The following UGGT1 variants were observed in gnomAD, a reference collection of about 807,000 sequenced individuals.
The protein encoded by UGGT1 is UDP-glucose:glycoprotein glucosyltransferase 1.
In UGGT1, 107 loss-of-function variants were observed where a neutral mutation model predicts 203.9. The observed-to-expected ratio is 0.52, with a 90% CI of 0.45 to 0.62. The LOEUF (loss-of-function observed/expected upper bound fraction) is 0.62. Ranked by LOEUF, UGGT1 falls within the 20% of genes least tolerant of loss-of-function variation. The pLI, the probability that UGGT1 is intolerant of heterozygous loss-of-function variation, is 0.00. For synonymous variants in UGGT1, 628 were observed against 653.5 expected (o/e 0.96, Z 0.59); for missense variants, 1,673 against 1,867.2 (o/e 0.90, Z 1.92).
rs2104805847 is a variant in UGGT1 at position 128,177,908 on chromosome 2, A to G, written c.3701A>G (p.Asp1234Gly). The G allele has an allele frequency of 6.3e-7, 1 of 1,598,846 alleles. No individual in the cohort carries two copies. Among genetic ancestry groups the G allele is most frequent in the African/African-American group, 1.3e-5 (1 of 74,260 alleles). Residue 1234 changes from aspartate (D) to glycine (G), a missense_variant, in exon 33 of 41, where the codon GAT (aspartate) becomes GGT (glycine). Physicochemically the swap from Asp to Gly is moderately conservative, Grantham distance 94. Transcript: ENST00000259253. ...AGTGAGAATGAATCTGGATTTTGGGATTCCTTCAAATGGTAAGTTGACATT... is the reference window on the plus strand; with the variant it reads ...AGTGAGAATGAATCTGGATTTTGGGGTTCCTTCAAATGGTAAGTTGACATT... ...GTSENESGFW[D>G]SFKWGFTGQK...
chr2:128,161,383 G>A, intron 25 of UGGT1, 115 bp downstream of exon 25: 1 of 1,265,696 alleles, frequency 7.9e-7, no homozygotes. Context: ...TTTATTTCCA[G>A]TTTAAAATCT....
At chr2:128,127,565 A>G in intron 12 of UGGT1, 113 bp downstream of exon 12, 1 of 763,466 alleles carries the variant, frequency 1.3e-6, no homozygotes. Flanking sequence ...CTGATGGCTT[A>G]CCAGCCCCCA....
At chr2:128,116,111 G>A (rs1006345192) in intron 7 of UGGT1, among the ~76,000 whole-genome samples, 154 bp from the exon 8 acceptor site, 2 of 152,112 alleles carry the variant, frequency 1.3e-5, no homozygotes, top group East Asian at 1.9e-4. Context: ...ATTGCCAAAG[G>A]GTAATTGTGA....
chr2:128,133,136 T>G lies in UGGT1; in HGVS notation c.1378-5T>G. On this transcript the variant is annotated splice_polypyrimidine_tract_variant and splice_region_variant and intron_variant, in intron 13 of 40. Transcript: ENST00000259253. ...GCATGTATCCTGTTGTGTTATTTTT[T>G]GTAGTGGGTCAACAACCTGGAGGTT... 1 of 1,613,826 alleles carries G rather than the reference T, an allele frequency of 6.2e-7. No individual in the cohort carries two copies. Among genetic ancestry groups the G allele is most frequent in the Non-Finnish European group, 8.5e-7 (1 of 1,179,784 alleles).
chr2:128,189,840 G>T lies in UGGT1; in HGVS notation c.*98G>T. On this transcript the variant is annotated 3_prime_UTR_variant, in exon 41 of 41. Coordinates refer to ENST00000259253, the MANE Select transcript of UGGT1 (RefSeq NM_020120.4). Reference sequence around the variant, plus strand: ...TGTCTATACAACTGCTGATAAGCCGGCTGGGCAGGAGTGCCACACCTTTTG... The same window carrying T: ...TGTCTATACAACTGCTGATAAGCCGTCTGGGCAGGAGTGCCACACCTTTTG... 7.1e-7 allele frequency: 1 copy of T among 1,417,926 alleles called. No individual in the cohort carries two copies. The highest frequency in any genetic ancestry group is 9.8e-7 in the Non-Finnish European group (1 of 1,023,468). 87.8% of individuals were successfully genotyped at this position (1,417,926 alleles called of 1,614,324 possible).
chr2:128,177,701 G>A, intron 32 of UGGT1, 131 bp from the exon 33 acceptor site: 1 of 672,168 alleles, frequency 1.5e-6, no homozygotes, highest in East Asian at 3.1e-5. Flanking sequence ...TCTGGGTGGG[G>A]TTGTGCCTGT....
rs752882702 is a variant in UGGT1 at position 128,164,778 on chromosome 2, A to G, written c.2874A>G (p.Pro958=). The G allele has an allele frequency of 6.2e-6, 10 of 1,612,120 alleles. No homozygotes were observed. The highest frequency in any genetic ancestry group is 7.6e-6 in the Non-Finnish European group (9 of 1,179,358). The change falls in exon 26 of 41, where the codon CCA becomes CCG. Residue 958 remains proline (P), a synonymous_variant. Coordinates refer to ENST00000259253, the MANE Select transcript of UGGT1 (RefSeq NM_020120.4). The part of the protein sequence containing the change: ...MKVDALLSAQ[P]KGDPRIEYQF... ...TGGATGCTCTTCTGTCAGCGCAACCAAAAGGAGATCCAAGAATCGAGTACC... is the reference window on the plus strand; with the variant it reads ...TGGATGCTCTTCTGTCAGCGCAACCGAAAGGAGATCCAAGAATCGAGTACC...
At position 128,159,599 on chromosome 2, in the gene UGGT1, T is replaced by C; in HGVS notation, c.2441T>C (p.Ile814Thr). 1.2e-6 allele frequency: 2 copies of C among 1,614,154 alleles called. No homozygotes were observed. Among genetic ancestry groups the C allele is most frequent in the Non-Finnish European group, 1.7e-6 (2 of 1,180,012 alleles). Residue 814 changes from isoleucine to threonine, a missense_variant, in exon 23 of 41, where the codon ATC becomes ACC. By Grantham distance (89) the Ile-to-Thr change is moderately conservative. Around this residue, in one of 4 missense-constraint regions of UGGT1, gnomAD observed 1,073 missense variants for 1,078.7 expected, o/e 0.99. Transcript: ENST00000259253. ...SYENTQISRA[I>T]WAALQTQTSN... The stretch of plus-strand genomic sequence containing the variant: ...GAGAACACTCAGATCTCCAGAGCAA[T>C]CTGGGCAGCTCTCCAAACTCAGACT...
chr2:128,179,688 C>T (rs1021146307), intron 34 of UGGT1, 98 bp from the exon 35 acceptor site: 33 of 1,014,980 alleles, frequency 3.3e-5, no homozygotes, highest in South Asian at 7.8e-5. Context: ...TTAGCTCTGC[C>T]GTAAAGAGCA....
chr2:128,101,176 A>G (rs1198207888), intron 2 of UGGT1, among the ~76,000 whole-genome samples: 1 of 152,128 alleles, frequency 6.6e-6, no homozygotes, highest in Non-Finnish European at 1.5e-5. Flanking sequence ...TCCACTTAGT[A>G]TTCACCTCCA....
At chr2:128,151,958 G>C (rs1689994437) in intron 18 of UGGT1, among the ~76,000 whole-genome samples, 1 of 152,188 alleles carries the variant, frequency 6.6e-6, no homozygotes, top group African/African-American at 2.4e-5. Context: ...CATTTGCACA[G>C]TTGTTGACAC....
At position 128,194,545 on chromosome 2, in the gene UGGT1, G is replaced by C. The variant is rs553351880; in HGVS notation, c.*4803G>C. On this transcript the variant is annotated 3_prime_UTR_variant, in exon 41 of 41. Coordinates refer to ENST00000259253, the MANE Select transcript of UGGT1 (RefSeq NM_020120.4). ...GCCCCCCAAAGTGCTGGGATTATAG[G>C]CGTGAACCACCGCGCCTGTCCCATT... 6.6e-6 allele frequency: 1 copy of C among 152,186 alleles called. No individual in the cohort carries two copies. Among genetic ancestry groups the C allele is most frequent in the Non-Finnish European group, 1.5e-5 (1 of 68,040 alleles). The allele number at this position is 152,186 out of a possible 1,614,324, so 9.4% of individuals were successfully genotyped here.
At chr2:128,147,219 G>A (rs1184516330) in intron 18 of UGGT1, among the ~76,000 whole-genome samples, 1 of 152,146 alleles carries the variant, frequency 6.6e-6, no homozygotes, top group Non-Finnish European at 1.5e-5. Context: ...GATAATCTCA[G>A]TTTATCTATC....
At chr2:128,143,331 A>G (rs1421630599) in intron 17 of UGGT1, 106 bp downstream of exon 17, 155 of 1,248,062 alleles carry the variant, frequency 1.2e-4, no homozygotes, top group Middle Eastern at 2.0e-4. Context: ...AAAGTGTTTC[A>G]GTACTTAGCA....
At chr2:128,108,515 T>C (rs1687705794) in intron 4 of UGGT1, among the ~76,000 whole-genome samples, 1 of 152,146 alleles carries the variant, frequency 6.6e-6, no homozygotes, top group South Asian at 2.1e-4. Context: ...AAATTTCTAT[T>C]GTAATTGAAA....
At chr2:128,159,752 C>T (rs149590184) in intron 23 of UGGT1, 32 bp downstream of exon 23, 814 of 1,599,868 alleles carry the variant, frequency 5.1e-4, no homozygotes, top group Middle Eastern at 4.2e-3. Context: ...GAGGCTGCCC[C>T]ATTTTGTCTG....
chr2:128,170,419 C>A (rs756778987), intron 27 of UGGT1, 29 bp downstream of exon 27: 1 of 1,593,998 alleles, frequency 6.3e-7, no homozygotes, highest in Non-Finnish European at 8.6e-7. Context: ...AAGTGTACAT[C>A]ACCTTTGTTT....
At chr2:128,115,035 G>A (rs551344817) in intron 6 of UGGT1, 89 bp from the exon 7 acceptor site, 7 of 1,128,902 alleles carry the variant, frequency 6.2e-6, no homozygotes, top group African/African-American at 1.5e-5. Flanking sequence ...GTAATGGCTA[G>A]TAGATGCAAC....
intron 15 of UGGT1, 152 bp from the exon 16 acceptor site, chr2:128,138,565 T>C (rs1209471693): frequency 9.5e-6 from 8 of 846,208 alleles, no homozygotes; most frequent in African/African-American, 3.4e-5. Flanking sequence ...TTGCCAATCA[T>C]GTTAGAGTAG....
Sources: allele counts gnomAD v4.1 joint callset (sites outside exome capture counted in the v4.1 genomes callset), GRCh38; gene constraint gnomAD v4.1.1; regional missense constraint gnomAD v4.1.1; transcripts MANE v1.5; gene names NCBI Gene and HGNC (gene_info 2026-07-23, HGNC 2026-07-21).